The following HTR1F variants were observed in gnomAD, a reference collection of about 807,000 sequenced individuals.
HTR1F encodes the protein 5-hydroxytryptamine receptor 1F.
HTR1F carries 17 observed loss-of-function variants against 24.0 expected under a neutral mutation model. The ratio of observed to expected loss-of-function variants is 0.71; its 90% CI spans 0.48 to 1.06. The LOEUF (loss-of-function observed/expected upper bound fraction) is 1.06. Ranked by LOEUF, HTR1F falls within the 50% of genes least tolerant of loss-of-function variation. The pLI is 0.00. For missense variants in HTR1F, 391 were observed against 427.8 expected (o/e 0.91, Z 0.76); for synonymous variants, 186 against 156.8 (o/e 1.19, Z -1.39).
At chr3:87,870,989 GAAA>G (rs35317346) in intron 2 of HTR1F, among the ~76,000 whole-genome samples, 2 of 135,152 alleles carry the variant, frequency 1.5e-5, no homozygotes, top group East Asian at 4.3e-4. Context: ...CCAAATCTCA[GAAA>G]AAAAAAAAAA....
chr3:87,861,839 C>G (rs1414106829), intron 2 of HTR1F, among the ~76,000 whole-genome samples: 1 of 152,010 alleles, frequency 6.6e-6, no homozygotes, highest in Non-Finnish European at 1.5e-5. Flanking sequence ...GACAAGTGCT[C>G]TAGGGATTAC....
At chr3:87,927,212 G>A (rs1428878227) in intron 2 of HTR1F, among the ~76,000 whole-genome samples, 2 of 152,110 alleles carry the variant, frequency 1.3e-5, no homozygotes, top group African/African-American at 2.4e-5. Context: ...TACAATAAGT[G>A]CCTGAAAAAT....
Position 87,802,392 on chromosome 3 carries a change from G to A in HTR1F, c.-160+9550G>A, listed in dbSNP as rs563100412. The stretch of plus-strand genomic sequence containing the variant: ...GTCTTGTTTTGTCATCCAGGCTAGA[G>A]TGCAATAGTAGGATGATCACAGCTC... On this transcript the variant is annotated intron_variant, in intron 1 of 2. Transcript: ENST00000319595. Among the ~76,000 whole-genome samples the A allele has an allele frequency of 1.9e-3, 279 of 146,124 alleles. 1 individual carries two copies. The highest frequency in any genetic ancestry group is 6.7e-3 in the African/African-American group (269 of 40,142).
rs141821516 is a variant in HTR1F, at chr3:87,894,893, G to A, written c.-43+72769G>A. ...TGTTGGTCATTTTAAATACCTCAAGGAGTTTTTGAAAGGATATAATAGTGT... is the reference window on the plus strand; with the variant it reads ...TGTTGGTCATTTTAAATACCTCAAGAAGTTTTTGAAAGGATATAATAGTGT... On this transcript the variant is annotated intron_variant, in intron 2 of 2. Coordinates refer to ENST00000319595, the MANE Select transcript of HTR1F (RefSeq NM_001322209.2). Among the ~76,000 whole-genome samples, 513 of 152,182 alleles carry A rather than the reference G, an allele frequency of 3.4e-3. 3 individuals carry two copies. Among genetic ancestry groups the A allele is most frequent in the African/African-American group, 0.011 (446 of 41,534 alleles).
At chr3:87,860,146 A>G (rs1232605734) in intron 2 of HTR1F, among the ~76,000 whole-genome samples, 1 of 152,242 alleles carries the variant, frequency 6.6e-6, no homozygotes, top group Non-Finnish European at 1.5e-5. Context: ...CATAATCTGC[A>G]TATACCATTT....
chr3:87,905,242 CA>C (rs1185167035), intron 2 of HTR1F, among the ~76,000 whole-genome samples: 12 of 151,640 alleles, frequency 7.9e-5, no homozygotes, highest in African/African-American at 2.9e-4. Flanking sequence ...CCCAGGAGTT[CA>C]AGGCTGCAGT....
Position 87,935,406 on chromosome 3 carries a change from CTT to C in HTR1F, c.-42-55295_-42-55294del, listed in dbSNP as rs1008588125. Among the ~76,000 whole-genome samples the C allele has an allele frequency of 5.3e-5, 8 of 151,842 alleles. No homozygotes were observed. The East Asian group carries it at 1.5e-3, about 29-fold the overall frequency. On this transcript the variant is annotated intron_variant, in intron 2 of 2. Coordinates refer to ENST00000319595, the MANE Select transcript of HTR1F (RefSeq NM_001322209.2). Reference sequence around the variant, plus strand: ...TTTCCTCTCAAAGGAGAGCAGGCAACTTTTTTTTCCCCAGTTTTTACCTAAAT... The same window carrying C: ...TTTCCTCTCAAAGGAGAGCAGGCAACTTTTTTCCCCAGTTTTTACCTAAAT...
intron 2 of HTR1F, among the ~76,000 whole-genome samples, chr3:87,958,624 G>T (rs9836185): frequency 0.26 from 39,958 of 151,424 alleles, 5,688 homozygotes; most frequent in African/African-American, 0.37. Flanking sequence ...GATTGCTAAT[G>T]ACTTTCTAAC....
intron 1 of HTR1F, among the ~76,000 whole-genome samples, chr3:87,803,305 C>T (rs1035001351): frequency 5.9e-5 from 9 of 152,072 alleles, no homozygotes; most frequent in African/African-American, 1.9e-4. Flanking sequence ...ACTTCATTTT[C>T]GTCTTAAAGA....
intron 1 of HTR1F, among the ~76,000 whole-genome samples, chr3:87,811,317 T>C (rs1350336519): frequency 6.6e-6 from 1 of 151,402 alleles, no homozygotes; most frequent in East Asian, 1.9e-4. Context: ...ACACTCAAAC[T>C]ACTTCAATGT....
intron 2 of HTR1F, among the ~76,000 whole-genome samples, chr3:87,871,303 G>C (rs1411650373): frequency 6.6e-6 from 1 of 151,610 alleles, no homozygotes; most frequent in African/African-American, 2.4e-5. Context: ...AGCAGACATG[G>C]TCAAGCAAAA....
At chr3:87,869,404 G>GAT (rs1333266520) in intron 2 of HTR1F, among the ~76,000 whole-genome samples, 2 of 137,928 alleles carry the variant, frequency 1.5e-5, no homozygotes, top group African/African-American at 6.1e-5. Context: ...TAGATAGATA[G>GAT]ATAGATAGAT....
intron 2 of HTR1F, among the ~76,000 whole-genome samples, chr3:87,830,335 GT>G (rs1382012015): frequency 1.3e-5 from 2 of 152,088 alleles, no homozygotes; most frequent in East Asian, 3.9e-4. Flanking sequence ...CCTCCAAGCA[GT>G]ATATTTTTAA....
chr3:87,904,249 T>G (rs1198523395), intron 2 of HTR1F, among the ~76,000 whole-genome samples: 1 of 152,060 alleles, frequency 6.6e-6, no homozygotes, highest in Non-Finnish European at 1.5e-5. Flanking sequence ...GACAAGGAAG[T>G]GGAAATCTTA....
chr3:87,798,909 C>T (rs1163412401), intron 1 of HTR1F, among the ~76,000 whole-genome samples: 7 of 152,138 alleles, frequency 4.6e-5, no homozygotes. Flanking sequence ...CTTCTTCATT[C>T]GTTTGGTGAT....
chr3:87,795,971 A>G (rs1703897814), intron 1 of HTR1F, among the ~76,000 whole-genome samples: 2 of 152,162 alleles, frequency 1.3e-5, no homozygotes, highest in Non-Finnish European at 2.9e-5. Context: ...CATTTAACCC[A>G]GGGTACAGAG....
chr3:87,840,998 A>C, intron 2 of HTR1F, among the ~76,000 whole-genome samples: 1 of 152,058 alleles, frequency 6.6e-6, no homozygotes, highest in East Asian at 1.9e-4. Context: ...TAAGAGACAC[A>C]GTTCTGACGT....
chr3:87,945,254 C>A (rs1704670254), intron 2 of HTR1F, among the ~76,000 whole-genome samples: 1 of 152,072 alleles, frequency 6.6e-6, no homozygotes, highest in Non-Finnish European at 1.5e-5. Context: ...TCGGGAGGGA[C>A]ACCAGGGATA....
At chr3:87,928,395 G>A (rs1000269343) in intron 2 of HTR1F, among the ~76,000 whole-genome samples, 8 of 152,106 alleles carry the variant, frequency 5.3e-5, no homozygotes, top group African/African-American at 1.9e-4. Flanking sequence ...TTTGTGAATT[G>A]AACATTTTAT....
Sources: gnomAD v4.1 joint callset for allele counts (sites outside exome capture counted in the v4.1 genomes callset) on GRCh38, gnomAD v4.1.1 for gene constraint, MANE v1.5 for transcripts, NCBI Gene and HGNC (gene_info 2026-07-23, HGNC 2026-07-21) for gene names.